ARHGAP27: variants seen among roughly 807,000 people sequenced by gnomAD.
ARHGAP27 encodes Rho GTPase activating protein 27, also known as rho GTPase-activating protein 27.
Under a neutral mutation model 102.0 loss-of-function variants are expected in ARHGAP27, and 53 were observed. The observed-to-expected ratio is 0.52, with a 90% CI of 0.42 to 0.65. ARHGAP27 has a LOEUF of 0.65. Among genes scored for constraint, ARHGAP27 ranks in the 30% least tolerant of loss-of-function variants. ARHGAP27 has a pLI of 0.00. For synonymous variants in ARHGAP27, 525 were observed against 542.8 expected (o/e 0.97, Z 0.46); for missense variants, 1,117 against 1,256.2 (o/e 0.89, Z 1.68).
intron 7 of ARHGAP27, 23 bp downstream of exon 7, chr17:45,404,578 C>T: frequency 1.2e-6 from 2 of 1,613,614 alleles, no homozygotes; most frequent in Non-Finnish European, 1.7e-6. Flanking sequence ...CTCCCCAACA[C>T]CCCCCTTTCC....
intron 4 of ARHGAP27, among the ~76,000 whole-genome samples, chr17:45,426,700 G>T (rs778477471): frequency 6.6e-6 from 1 of 151,498 alleles, no homozygotes; most frequent in African/African-American, 2.4e-5. Context: ...CCACCCACCT[G>T]AGCCTGGGGA....
chr17:45,415,892 CT>C (rs1318610672), intron 4 of ARHGAP27, among the ~76,000 whole-genome samples: 8 of 152,288 alleles, frequency 5.3e-5, no homozygotes, highest in African/African-American at 1.9e-4. Context: ...AACAAACCAG[CT>C]GTGAGAGAGA....
chr17:45,395,507 C>T lies in ARHGAP27; in HGVS notation c.2619G>A (p.Gln873=), dbSNP rs1334818549. Residue 873 remains glutamine (Q), a synonymous_variant, in exon 20 of 20, where the codon CAG becomes CAA. Transcript: ENST00000685559. Reference sequence around the variant, plus strand: ...ACTGCTGCAGGATGAGCTCCACCACCTGGTTCTGGAACACCATGGTCATGG... The same window carrying T: ...ACTGCTGCAGGATGAGCTCCACCACTTGGTTCTGGAACACCATGGTCATGG... ...SMPMTMVFQN[Q]VVELILQQCA... 4 of 1,594,662 alleles carry T rather than the reference C, an allele frequency of 2.5e-6. No homozygotes were observed. Among genetic ancestry groups the T allele is most frequent in the Non-Finnish European group, 3.4e-6 (4 of 1,170,300 alleles).
At chr17:45,410,387 A>G in intron 4 of ARHGAP27, 2 of 1,362,512 alleles carry the variant, frequency 1.5e-6, no homozygotes, top group East Asian at 6.1e-5. Flanking sequence ...ACAGGGAAAC[A>G]AGAAGTTGCC....
In ARHGAP27 at chr17:45,405,842, C is replaced by T. The variant is rs2047095620; in HGVS notation, c.899G>A (p.Ser300Asn). Reference protein sequence around the residue: ...TSPASVDSHVSLETEWGQYWD... With the variant: ...TSPASVDSHVNLETEWGQYWD... ...GTACTGGCCCCACTCGGTCTCAAGG[C>T]TCACGTGGCTGTCCACCGAGGCAGG... Residue 300 changes from serine (S) to asparagine (N), a missense_variant, in exon 5 of 20, where the codon AGC (serine) becomes AAC (asparagine). Ser to Asn is a conservative substitution (Grantham distance 46, BLOSUM62 1). Around this residue, in one of 3 missense-constraint regions of ARHGAP27, gnomAD observed 610 missense variants for 716.4 expected, o/e 0.85. Transcript: ENST00000685559. 1 of 1,536,494 alleles carries T rather than the reference C, an allele frequency of 6.5e-7. No homozygotes were observed. The highest frequency in any genetic ancestry group is 1.4e-5 in the African/African-American group (1 of 73,048).
intron 4 of ARHGAP27, among the ~76,000 whole-genome samples, chr17:45,410,754 C>T (rs932505103): frequency 1.3e-5 from 2 of 151,158 alleles, no homozygotes; most frequent in Admixed American, 1.3e-4. Flanking sequence ...GCTCCTGGGG[C>T]GGAAACAGGA....
In ARHGAP27 at chr17:45,397,008, G is replaced by A. The variant is rs769143822; in HGVS notation, c.1859C>T (p.Pro620Leu). 1 of 1,603,824 alleles carries A rather than the reference G, an allele frequency of 6.2e-7. No individual in the cohort carries two copies. The highest frequency in any genetic ancestry group is 2.2e-5 in the East Asian group (1 of 44,874). ...GIQELSAELP[P>L]EESESSRVDF... The stretch of plus-strand genomic sequence containing the variant: ...CACTCTGCTGCTCTCGCTCTCCTCT[G>A]GGGGCAGCTCTGCGGACTGGATTCC... The change falls in exon 14 of 20, where the codon CCA (proline) becomes CTA (leucine). Residue 620 changes from proline (P) to leucine (L), a missense_variant. By Grantham distance (98) the Pro-to-Leu change is moderately conservative (BLOSUM62 -3). Coordinates refer to ENST00000685559, the MANE Select transcript of ARHGAP27 (RefSeq NM_001282290.2).
chr17:45,413,747 G>A (rs1035867856), intron 4 of ARHGAP27, among the ~76,000 whole-genome samples: 17 of 152,090 alleles, frequency 1.1e-4, no homozygotes, highest in African/African-American at 3.6e-4. Context: ...GGCTCACAAC[G>A]CTTGTGCTCT....
chr17:45,428,625 C>G (rs1296706353), intron 4 of ARHGAP27, among the ~76,000 whole-genome samples: 1 of 152,192 alleles, frequency 6.6e-6, no homozygotes, highest in Non-Finnish European at 1.5e-5. Context: ...TAGTGGGCAT[C>G]AGTGTTCATG....
intron 4 of ARHGAP27, among the ~76,000 whole-genome samples, chr17:45,412,962 CTTTTTTTTTTTTTTTTTT>C (rs36233058): frequency 2.8e-3 from 115 of 41,136 alleles, no homozygotes; most frequent in East Asian, 5.7e-3. Flanking sequence ...TCAGTATAAT[CTTTTTTTTTTTTTTTTTT>C]TTTTTTTTTT....
At chr17:45,428,017 T>C (rs925781799) in intron 4 of ARHGAP27, among the ~76,000 whole-genome samples, 14 of 152,186 alleles carry the variant, frequency 9.2e-5, no homozygotes, top group African/African-American at 3.4e-4. Context: ...CCCTGGCTCA[T>C]AGGTAAAGGG....
intron 4 of ARHGAP27, among the ~76,000 whole-genome samples, chr17:45,424,826 C>CA (rs981874364): frequency 7.2e-5 from 11 of 152,138 alleles, no homozygotes; most frequent in African/African-American, 2.4e-4. Context: ...ATAAACATTA[C>CA]AAAAAACAGG....
chr17:45,397,849 A>T, intron 13 of ARHGAP27, 100 bp downstream of exon 13: 1 of 1,011,042 alleles, frequency 9.9e-7, no homozygotes, highest in Non-Finnish European at 1.4e-6. Flanking sequence ...CATTTGCATT[A>T]CCCACTGGTA....
rs767343491 is a variant in ARHGAP27, at chr17:45,404,989, C to T, written c.1183G>A (p.Gly395Ser). The T allele has an allele frequency of 4.3e-6, 7 of 1,613,884 alleles. No individual in the cohort carries two copies. Among genetic ancestry groups the T allele is most frequent in the South Asian group, 2.2e-5 (2 of 91,072 alleles). The change falls in exon 6 of 20, where the codon GGC becomes AGC. Residue 395 changes from glycine to serine, a missense_variant. Physicochemically the swap from Gly to Ser is moderately conservative, Grantham distance 56 (BLOSUM62 0). Transcript: ENST00000685559. ...TCCTGGCTGACATGACAAGACCAGC[C>T]GGGGGGTGTGGTCAAGGGAGAGGTA... ...GPTSPLTTPPGWSCHVSQDKQ... is the reference protein window; with the variant it reads ...GPTSPLTTPPSWSCHVSQDKQ...
In ARHGAP27 at chr17:45,396,737, G is replaced by A. The variant is rs2045763118; in HGVS notation, c.2005C>T (p.His669Tyr). Reference protein sequence around the residue: ...GLESDLSKVRHKLRKFLQRRP... With the variant: ...GLESDLSKVRYKLRKFLQRRP... The stretch of plus-strand genomic sequence containing the variant: ...CTCTGGAGGAACTTGCGGAGCTTGT[G>A]CCGGACCTTGCTCAAGTCGCTCTCC... The change falls in exon 15 of 20, where the codon CAC (histidine) becomes TAC (tyrosine). Residue 669 changes from histidine to tyrosine, a missense_variant. Transcript: ENST00000685559. The A allele has an allele frequency of 1.9e-6, 3 of 1,613,684 alleles. No individual in the cohort carries two copies. The highest frequency in any genetic ancestry group is 8.5e-7 in the Non-Finnish European group (1 of 1,179,786).
intron 12 of ARHGAP27, among the ~76,000 whole-genome samples, chr17:45,400,547 T>C (rs1331536189): frequency 6.6e-6 from 1 of 152,174 alleles, no homozygotes; most frequent in African/African-American, 2.4e-5. Context: ...AGTCCATCAG[T>C]GATGATCTTC....
At position 45,405,968 on chromosome 17, in the gene ARHGAP27, G is replaced by A. The variant is rs1309281670; in HGVS notation, c.773C>T (p.Ala258Val). 3 of 1,535,816 alleles carry A rather than the reference G, an allele frequency of 2.0e-6. No individual in the cohort carries two copies. The highest frequency in any genetic ancestry group is 1.7e-6 in the Non-Finnish European group (2 of 1,146,786). ...GTAGTAGTAGGGGCGCCCGGTGCCCGCGTCCGTGTGCGTCTCCCACACCGG... is the reference window on the plus strand; with the variant it reads ...GTAGTAGTAGGGGCGCCCGGTGCCCACGTCCGTGTGCGTCTCCCACACCGG... ...PSPVWETHTDAGTGRPYYYNP... is the reference protein window; with the variant it reads ...PSPVWETHTDVGTGRPYYYNP... The change falls in exon 5 of 20, where the codon GCG (alanine) becomes GTG (valine). Residue 258 changes from alanine to valine, a missense_variant. Ala to Val is a moderately conservative substitution (Grantham distance 64). This residue lies in a region of ARHGAP27 where 610 missense variants were observed against 716.4 expected (regional missense o/e 0.85). Coordinates refer to ENST00000685559, the MANE Select transcript of ARHGAP27 (RefSeq NM_001282290.2).
rs370591160 is a variant in ARHGAP27, at chr17:45,404,657, C to T, written c.1273G>A (p.Gly425Arg). The change falls in exon 7 of 20, where the codon GGG (glycine) becomes AGG (arginine). Residue 425 changes from glycine to arginine, a missense_variant. Gly to Arg is a moderately radical substitution (Grantham distance 125). Transcript: ENST00000685559. ...TCTGGATTGTAGAAGTATGGCTTCC[C>T]GTGGGGGTCCTCCAGCCTCACCCAC... The part of the protein sequence containing the change: ...EQWVRLEDPH[G>R]KPYFYNPEDS... The T allele has an allele frequency of 2.5e-5, 41 of 1,612,546 alleles. No individual in the cohort carries two copies. The highest frequency in any genetic ancestry group is 3.4e-5 in the Admixed American group (2 of 59,416).
intron 12 of ARHGAP27, among the ~76,000 whole-genome samples, chr17:45,398,733 C>CAA (rs5820577): frequency 2.2e-5 from 3 of 138,084 alleles, no homozygotes; most frequent in Non-Finnish European, 3.2e-5. Flanking sequence ...GACTCCGTCT[C>CAA]AAAAAAAAAA....
Sources: allele counts gnomAD v4.1 joint callset (sites outside exome capture counted in the v4.1 genomes callset), GRCh38; gene constraint gnomAD v4.1.1; regional missense constraint gnomAD v4.1.1; transcripts MANE v1.5; gene names NCBI Gene and HGNC (gene_info 2026-07-23, HGNC 2026-07-21).